The following ASS1 variants were observed in gnomAD, a reference collection of about 807,000 sequenced individuals.
ASS1 encodes the protein argininosuccinate synthase 1.
A neutral mutation model predicts 60.5 loss-of-function variants in ASS1; 58 were observed. That is an observed-to-expected ratio of 0.96 (90% CI 0.78 to 1.19). ASS1 has a LOEUF of 1.19. Among genes scored for constraint, ASS1 ranks in the 50% most tolerant of loss-of-function variants. ASS1 has a pLI of 0.00. For missense variants in ASS1, 454 were observed against 547.3 expected (o/e 0.83, Z 1.70); for synonymous variants, 200 against 206.9 (o/e 0.97, Z 0.29).
Position 130,478,971 on chromosome 9 carries a change from C to T in ASS1, c.689-745C>T, listed in dbSNP as rs541039770. Among the ~76,000 whole-genome samples, 16 of 152,262 alleles carry T rather than the reference C, an allele frequency of 1.1e-4. No homozygotes were observed. The South Asian group carries it at 1.5e-3, about 14-fold the overall frequency. ...CCGGGCAGATGGGTGGGGGATTAGC[C>T]GCCAACTTTGAACAGCTTTTCTTTG... On this transcript the variant is annotated intron_variant, in intron 9 of 14. Coordinates refer to ENST00000352480, the MANE Select transcript of ASS1 (RefSeq NM_054012.4). The surrounding 1 kb of genome is among the most constrained non-coding windows in gnomAD (Gnocchi z 4.7).
At chr9:130,458,988 C>T (rs1845519451) in intron 4 of ASS1, among the ~76,000 whole-genome samples, 1 of 152,252 alleles carries the variant, frequency 6.6e-6, no homozygotes, top group African/African-American at 2.4e-5. Context: ...TGCTGGCTTG[C>T]CGTGTGTCCT....
intron 11 of ASS1, among the ~76,000 whole-genome samples, chr9:130,482,617 G>A (rs1846200846): frequency 6.6e-6 from 1 of 152,148 alleles, no homozygotes. Flanking sequence ...AAAATGAACT[G>A]AAGGAGGTGG....
At position 130,488,547 on chromosome 9, in the gene ASS1, C is replaced by T. The variant is rs1346735101; in HGVS notation, c.839-786C>T. Among the ~76,000 whole-genome samples the T allele has an allele frequency of 6.6e-6, 1 of 152,258 alleles. No individual in the cohort carries two copies. On this transcript the variant is annotated intron_variant, in intron 11 of 14. Coordinates refer to ENST00000352480, the MANE Select transcript of ASS1 (RefSeq NM_054012.4). The surrounding 1 kb of genome is among the most constrained non-coding windows in gnomAD (Gnocchi z 5.2). The stretch of plus-strand genomic sequence containing the variant: ...CAGCTCAGCCCAAGACCAGGCATTT[C>T]TGTCTCACTCGGAGATCATCTGTTC...
chr9:130,445,259 T>G lies in ASS1; in HGVS notation c.-6+264T>G, dbSNP rs970697974. 6 of 789,118 alleles carry G rather than the reference T, an allele frequency of 7.6e-6. No homozygotes were observed. In the African/African-American group the frequency reaches 8.3e-5, roughly 11 times the overall value. 48.9% of individuals were successfully genotyped at this position (789,118 alleles called of 1,614,324 possible). On this transcript the variant is annotated intron_variant, in intron 1 of 14. Transcript: ENST00000352480. ...GTCCCCGGGGGCGCGAGTCCCCGGG[T>G]CCGAAGAGCGGCTCGGGTTATTTGT...
At chr9:130,482,545 T>C in intron 11 of ASS1, among the ~76,000 whole-genome samples, 1 of 151,704 alleles carries the variant, frequency 6.6e-6, no homozygotes, top group East Asian at 1.9e-4. Flanking sequence ...AGATAAGGAC[T>C]GGCCTGAAGT....
intron 8 of ASS1, among the ~76,000 whole-genome samples, chr9:130,475,487 G>A (rs962786860): frequency 2.6e-5 from 4 of 152,182 alleles, no homozygotes; most frequent in African/African-American, 9.7e-5. Context: ...ATCCTGGCAC[G>A]GGGTAATGCC....
At chr9:130,448,417 C>CGT (rs1564899408) in intron 1 of ASS1, among the ~76,000 whole-genome samples, 50 of 72,880 alleles carry the variant, frequency 6.9e-4, no homozygotes, top group East Asian at 1.4e-3. Context: ...CAGGTGTGTG[C>CGT]GCGCGCACAC....
chr9:130,461,869 G>A (rs533650954), intron 4 of ASS1, among the ~76,000 whole-genome samples: 3 of 152,320 alleles, frequency 2.0e-5, no homozygotes, highest in Admixed American at 6.5e-5. Flanking sequence ...CCAGGTGGAG[G>A]CTTTCGGGTC....
chr9:130,492,095 T>C (rs191964899), intron 12 of ASS1, among the ~76,000 whole-genome samples: 8 of 152,356 alleles, frequency 5.3e-5, no homozygotes, highest in Non-Finnish European at 1.0e-4. Context: ...GTAAAGCACC[T>C]GGAACAATGT....
intron 13 of ASS1, among the ~76,000 whole-genome samples, chr9:130,495,686 G>A (rs1846582043): frequency 6.6e-6 from 1 of 152,072 alleles, no homozygotes; most frequent in African/African-American, 2.4e-5. Context: ...CCTCCTGGCT[G>A]CTCTGGAGAA....
chr9:130,460,985 T>C (rs1278218077), intron 4 of ASS1, among the ~76,000 whole-genome samples: 3 of 150,704 alleles, frequency 2.0e-5, no homozygotes, highest in South Asian at 2.1e-4. Context: ...ACCCAGAGGA[T>C]CAGGACTGGG....
chr9:130,452,147 G>C, intron 1 of ASS1, 77 bp from the exon 2 acceptor site: 1 of 1,280,382 alleles, frequency 7.8e-7, no homozygotes, highest in Non-Finnish European at 1.1e-6. Context: ...CAAGGTCGGG[G>C]CTGGGCTGTC....
intron 1 of ASS1, among the ~76,000 whole-genome samples, chr9:130,446,717 A>G (rs1239062408): frequency 1.3e-5 from 2 of 151,716 alleles, no homozygotes; most frequent in Non-Finnish European, 2.9e-5. Flanking sequence ...CCCCCTCCCA[A>G]CCCGGGCCCA....
At position 130,476,882 on chromosome 9, in the gene ASS1, T is replaced by A. The variant is rs1465605036; in HGVS notation, c.609T>A (p.Pro203=). ...GILENPKNQA[P]PGLYTKTQDP... ...CTGTCTTTTTTCAGAACCAAGCGCCTCCAGGTCTCTACACGAAGACCCAGG... is the reference window on the plus strand; with the variant it reads ...CTGTCTTTTTTCAGAACCAAGCGCCACCAGGTCTCTACACGAAGACCCAGG... The change falls in exon 9 of 15, where the codon CCT becomes CCA. Residue 203 remains proline (P), a synonymous_variant. Coordinates refer to ENST00000352480, the MANE Select transcript of ASS1 (RefSeq NM_054012.4). This position sits in a 1 kb window ranked among gnomAD's most constrained non-coding sequence, Gnocchi z 4.9. 3 of 1,613,680 alleles carry A rather than the reference T, an allele frequency of 1.9e-6. No homozygotes were observed. Among genetic ancestry groups the A allele is most frequent in the Non-Finnish European group, 2.5e-6 (3 of 1,179,896 alleles).
At chr9:130,480,582 C>A in intron 11 of ASS1, 133 bp downstream of exon 11, 1 of 899,538 alleles carries the variant, frequency 1.1e-6, no homozygotes, top group Non-Finnish European at 1.8e-6. Context: ...TTTCACCACA[C>A]CCCGTGAGAC....
intron 14 of ASS1, 57 bp from the exon 15 acceptor site, chr9:130,500,919 C>T: frequency 1.3e-6 from 2 of 1,567,502 alleles, no homozygotes; most frequent in Non-Finnish European, 8.8e-7. Flanking sequence ...TAATTGAACC[C>T]AGTGTGTGTT....
In ASS1 at chr9:130,480,465, C is replaced by T. The variant is rs1382763865; in HGVS notation, c.838+16C>T. 2 of 1,613,514 alleles carry T rather than the reference C, an allele frequency of 1.2e-6. No individual in the cohort carries two copies. The highest frequency in any genetic ancestry group is 2.7e-5 in the African/African-American group (2 of 74,936). ...AAGTCCCGAGGTGAGTCTGCTCAGC[C>T]TCCCTCAGGGCCTGCCTCGGGACCC... On this transcript the variant is annotated intron_variant, in intron 11 of 14. Transcript: ENST00000352480.
Position 130,477,705 on chromosome 9 carries a change from C to T in ASS1, c.688+744C>T, listed in dbSNP as rs1846055626. 6.6e-6 allele frequency among the ~76,000 whole-genome samples: 1 copy of T among 152,194 alleles called. No homozygotes were observed. Among genetic ancestry groups the T allele is most frequent in the Non-Finnish European group, 1.5e-5 (1 of 68,034 alleles). ...GGCTCAGAGGGCGGGCTCAGAGGGC[C>T]TGAAGGGGTACCTTTTCAGGAGGCT... is the stretch of plus-strand genomic sequence containing the variant. On this transcript the variant is annotated intron_variant, in intron 9 of 14. Coordinates refer to ENST00000352480, the MANE Select transcript of ASS1 (RefSeq NM_054012.4). This position sits in a 1 kb window ranked among gnomAD's most constrained non-coding sequence, Gnocchi z 4.2.
chr9:130,486,626 C>T (rs189281986), intron 11 of ASS1, among the ~76,000 whole-genome samples: 1 of 152,262 alleles, frequency 6.6e-6, no homozygotes, highest in South Asian at 2.1e-4. Context: ...GGAGAGAGGC[C>T]ATTTCCTAAT....
Sources: allele counts gnomAD v4.1 joint callset (sites outside exome capture counted in the v4.1 genomes callset), GRCh38; gene constraint gnomAD v4.1.1; non-coding constraint Gnocchi (gnomAD v3.1); transcripts MANE v1.5; gene names NCBI Gene and HGNC (gene_info 2026-07-23, HGNC 2026-07-21).